The following ARHGEF26 variants were observed in gnomAD, a reference collection of about 807,000 sequenced individuals.
ARHGEF26 encodes the protein Rho guanine nucleotide exchange factor 26, also known as Rho guanine nucleotide exchange factor (GEF) 26.
In ARHGEF26, 59 loss-of-function variants were observed where a neutral mutation model predicts 89.4. The ratio of observed to expected loss-of-function variants is 0.66; its 90% CI spans 0.54 to 0.82. The LOEUF (loss-of-function observed/expected upper bound fraction) is 0.82, where lower values mean the gene tolerates loss of function less well. ARHGEF26 is among the 40% of genes least tolerant of loss of function. ARHGEF26 has a pLI of 0.00. For synonymous variants in ARHGEF26, 500 were observed against 428.4 expected, an observed-to-expected ratio of 1.17 and a Z score of -2.06; for missense variants, 1,234 against 1,085.6, an observed-to-expected ratio of 1.14 and a Z score of -1.92.
chr3:154,243,720 ACTCT>A (rs899945997), intron 12 of ARHGEF26, among the ~76,000 whole-genome samples: 3 of 151,798 alleles, frequency 2.0e-5, no homozygotes, highest in African/African-American at 7.3e-5. Context: ...AGAGGGAGTG[ACTCT>A]CTCATTCTCT....
At chr3:154,144,216 G>T (rs1719562558) in intron 4 of ARHGEF26, among the ~76,000 whole-genome samples, 2 of 152,320 alleles carry the variant, frequency 1.3e-5, no homozygotes, top group African/African-American at 4.8e-5. Context: ...GTGCTACAGT[G>T]ATTAAGAGCT....
intron 2 of ARHGEF26, 105 bp from the exon 3 acceptor site, chr3:154,124,305 A>G (rs1027973205): frequency 3.7e-6 from 3 of 807,670 alleles, no homozygotes; most frequent in Non-Finnish European, 5.7e-6. Context: ...TAATGACTAA[A>G]AAAAAGTATT....
At chr3:154,203,809 T>C (rs997510715) in intron 9 of ARHGEF26, among the ~76,000 whole-genome samples, 1 of 152,170 alleles carries the variant, frequency 6.6e-6, no homozygotes. Flanking sequence ...GAACCATCCT[T>C]GCATCCCAGG....
intron 4 of ARHGEF26, among the ~76,000 whole-genome samples, chr3:154,143,886 G>A (rs1366004645): frequency 6.6e-6 from 1 of 152,126 alleles, no homozygotes; most frequent in Non-Finnish European, 1.5e-5. Flanking sequence ...TTAGCTGATA[G>A]ATACATGAGA....
At position 154,249,519 on chromosome 3, in the gene ARHGEF26, A is replaced by G. The variant is rs150917786; in HGVS notation, c.2301-3597A>G. 4.3e-4 allele frequency among the ~76,000 whole-genome samples: 65 copies of G among 152,284 alleles called. 1 individual carries two copies. In the East Asian group the frequency reaches 9.3e-3, roughly 22 times the overall value. On this transcript the variant is annotated intron_variant, in intron 12 of 14. Coordinates refer to ENST00000465093, the MANE Select transcript of ARHGEF26 (RefSeq NM_015595.4). ...CTTTTCAATTTAGTCGTCTTTCTCTACGTAGGTCAAATGTTTTGGTAGAGT... is the reference window on the plus strand; with the variant it reads ...CTTTTCAATTTAGTCGTCTTTCTCTGCGTAGGTCAAATGTTTTGGTAGAGT...
In ARHGEF26 at chr3:154,126,674, T is replaced by C. The variant is rs961750559; in HGVS notation, c.1123+2225T>C. Among the ~76,000 whole-genome samples the C allele has an allele frequency of 3.9e-5, 6 of 152,332 alleles. No homozygotes were observed. The East Asian group carries it at 5.8e-4, about 15-fold the overall frequency. ...CAGTTTTTACCATTGCCTACAAATA[T>C]TTCCTTGATTTGGACTGTCTGGCTC... On this transcript the variant is annotated intron_variant, in intron 3 of 14. Coordinates refer to ENST00000465093, the MANE Select transcript of ARHGEF26 (RefSeq NM_015595.4).
intron 10 of ARHGEF26, among the ~76,000 whole-genome samples, chr3:154,219,485 T>C (rs1210823124): frequency 6.6e-6 from 1 of 151,186 alleles, no homozygotes; most frequent in Non-Finnish European, 1.5e-5. Flanking sequence ...ATCCCAGCTA[T>C]TTGGGAAGCT....
intron 6 of ARHGEF26, among the ~76,000 whole-genome samples, chr3:154,176,637 A>G (rs1712836719): frequency 6.6e-6 from 1 of 152,172 alleles, no homozygotes; most frequent in African/African-American, 2.4e-5. Flanking sequence ...AAGAACCAAG[A>G]TGAGGCGTGC....
rs1718563014 is a variant in ARHGEF26 at position 154,129,720 on chromosome 3, G to A, written c.1269+1G>A. The A allele has an allele frequency of 6.2e-7, 1 of 1,609,400 alleles. No homozygotes were observed. Among genetic ancestry groups the A allele is most frequent in the Middle Eastern group, 1.7e-4 (1 of 6,058 alleles). On this transcript the variant is annotated splice_donor_variant, in intron 4 of 14. Coordinates refer to ENST00000465093, the MANE Select transcript of ARHGEF26 (RefSeq NM_015595.4). LOFTEE classifies it high-confidence loss of function. ...ATCCACATGGAGCCAACTCTCTGCG[G>A]TGAGTGTTTATCTTCTTTTCTATCT...
chr3:154,144,030 G>T (rs1448863173), intron 4 of ARHGEF26, among the ~76,000 whole-genome samples: 1 of 152,186 alleles, frequency 6.6e-6, no homozygotes, highest in African/African-American at 2.4e-5. Flanking sequence ...GAAATGTCAG[G>T]ATTGATCAAC....
At position 154,187,685 on chromosome 3, in the gene ARHGEF26, G is replaced by A. The variant is rs1713672606; in HGVS notation, c.1488G>A (p.Lys496=). The part of the protein sequence containing the change: ...NITDVCEASK[K]FFIELEARHQ... Reference sequence around the variant, plus strand: ...TTTTTTTTTCCCTTTGGTTTTTCAGGTTCTTTATAGAGTTGGAAGCAAGAC... The same window carrying A: ...TTTTTTTTTCCCTTTGGTTTTTCAGATTCTTTATAGAGTTGGAAGCAAGAC... The change falls in exon 7 of 15, where the codon AAG becomes AAA. Residue 496 remains lysine, a splice_region_variant and synonymous_variant. Transcript: ENST00000465093. 1 of 1,596,300 alleles carries A rather than the reference G, an allele frequency of 6.3e-7. No individual in the cohort carries two copies. The highest frequency in any genetic ancestry group is 1.1e-5 in the South Asian group (1 of 88,034).
intron 9 of ARHGEF26, among the ~76,000 whole-genome samples, chr3:154,216,509 ATTTT>A (rs1273722931): frequency 3.8e-5 from 1 of 26,346 alleles, no homozygotes; most frequent in African/African-American, 1.0e-4. Flanking sequence ...TTTATTTTTT[ATTTT>A]TTTTTTATGT....
chr3:154,143,119 T>G (rs1005189105), intron 4 of ARHGEF26, among the ~76,000 whole-genome samples: 1 of 152,206 alleles, frequency 6.6e-6, no homozygotes, highest in African/African-American at 2.4e-5. Flanking sequence ...TAGTTTTTGT[T>G]ATTCGAAGTG....
chr3:154,175,786 A>G (rs1220228027), intron 6 of ARHGEF26, among the ~76,000 whole-genome samples: 2 of 152,194 alleles, frequency 1.3e-5, no homozygotes, highest in Non-Finnish European at 2.9e-5. Flanking sequence ...TTTGTTTTAC[A>G]AAGAAGCCAG....
intron 6 of ARHGEF26, among the ~76,000 whole-genome samples, chr3:154,156,516 A>C (rs1160359836): frequency 6.6e-6 from 1 of 152,124 alleles, no homozygotes; most frequent in Non-Finnish European, 1.5e-5. Context: ...TGCCTTTGTA[A>C]TAATTTGATC....
intron 11 of ARHGEF26, among the ~76,000 whole-genome samples, chr3:154,229,897 A>T (rs1716730139): frequency 6.6e-6 from 1 of 152,146 alleles, no homozygotes; most frequent in African/African-American, 2.4e-5. Flanking sequence ...GTCAAGTTAT[A>T]CTCATAGATT....
Position 154,194,787 on chromosome 3 carries a change from C to T in ARHGEF26, c.1845+69C>T, listed in dbSNP as rs964882165. 17 of 1,372,984 alleles carry T rather than the reference C, an allele frequency of 1.2e-5. No homozygotes were observed. The African/African-American group carries it at 2.2e-4, about 17-fold the overall frequency. 85.1% of individuals were successfully genotyped at this position (1,372,984 alleles called of 1,614,324 possible). A position where few individuals can be genotyped will look rare whatever the true frequency, so the allele number is the denominator to read the frequency against. On this transcript the variant is annotated intron_variant, in intron 9 of 14. Coordinates refer to ENST00000465093, the MANE Select transcript of ARHGEF26 (RefSeq NM_015595.4). ...CAGTTAGCTCAGACACAAAGTGTGTCTTGGCTTGATGCTGAAAACTGGTAG... is the reference window on the plus strand; with the variant it reads ...CAGTTAGCTCAGACACAAAGTGTGTTTTGGCTTGATGCTGAAAACTGGTAG...
rs918508344 is a variant in ARHGEF26, at chr3:154,257,224, C to CTAAT, written c.*1753_*1756dup. On this transcript the variant is annotated 3_prime_UTR_variant, in exon 15 of 15. Transcript: ENST00000465093. ...GCTCTTTTTGACCTGTGCATACCTT[C>CTAAT]TAATTGTAAAATATATTTCAGACCG... 104 of 301,182 alleles carry CTAAT rather than the reference C, an allele frequency of 3.5e-4. No homozygotes were observed. The highest frequency in any genetic ancestry group is 2.1e-3 in the African/African-American group (99 of 46,446). 18.7% of individuals were successfully genotyped at this position (301,182 alleles called of 1,614,324 possible).
At chr3:154,192,237 T>C (rs575350431) in intron 8 of ARHGEF26, among the ~76,000 whole-genome samples, 35 of 152,340 alleles carry the variant, frequency 2.3e-4, no homozygotes, top group African/African-American at 7.9e-4. Flanking sequence ...AATGTTGATA[T>C]AAGGTCAACT....
Sources: allele counts gnomAD v4.1 joint callset (sites outside exome capture counted in the v4.1 genomes callset), GRCh38; gene constraint gnomAD v4.1.1; transcripts MANE v1.5; gene names NCBI Gene and HGNC (gene_info 2026-07-23, HGNC 2026-07-21).